STOX2: variants seen among roughly 807,000 people sequenced by gnomAD.
STOX2 encodes storkhead-box protein 2.
Under a neutral mutation model 60.9 loss-of-function variants are expected in STOX2, and 28 were observed. That is an observed-to-expected ratio of 0.46 (90% CI 0.34 to 0.63). STOX2 has a LOEUF of 0.63. Ranked by LOEUF, STOX2 falls within the 30% of genes least tolerant of loss-of-function variation. The pLI is 0.01. For missense variants in STOX2, 1,024 were observed against 1,187.7 expected (o/e 0.86, Z 2.03); for synonymous variants, 472 against 463.9 (o/e 1.02, Z -0.22).
chr4:183,969,332 A>G (rs1560910840), intron 1 of STOX2, among the ~76,000 whole-genome samples: 1 of 152,260 alleles, frequency 6.6e-6, no homozygotes, highest in African/African-American at 2.4e-5. Flanking sequence ...GAGCTTACAG[A>G]CAACTTGTAT....
rs1740240460 is a variant in STOX2 at position 183,854,537 on chromosome 4, G to A, written c.364+56482G>A. Among the ~76,000 whole-genome samples the A allele has an allele frequency of 2.0e-5, 3 of 152,162 alleles. 1 individual carries two copies. The highest frequency in any genetic ancestry group is 1.5e-5 in the Non-Finnish European group (1 of 68,020). On this transcript the variant is annotated intron_variant, in intron 1 of 2. Coordinates refer to the STOX2 transcript ENST00000513034. ...CATGGCAGGGGGCAGGGGGGATGGT[G>A]AGTTTATTATTTTTTATAAAAAGTA... is the stretch of plus-strand genomic sequence containing the variant.
chr4:183,899,162 C>G lies in STOX2; in HGVS notation c.364+101107C>G, dbSNP rs113848061. The stretch of plus-strand genomic sequence containing the variant: ...CCCATATAAGATGGCAAACTTGATC[C>G]GTAAGTGTTGTGTGCGATCTGACTG... On this transcript the variant is annotated intron_variant, in intron 1 of 2. Coordinates refer to the STOX2 transcript ENST00000513034. Among the ~76,000 whole-genome samples, 6 of 152,218 alleles carry G rather than the reference C, an allele frequency of 3.9e-5. No individual in the cohort carries two copies. The South Asian group carries it at 1.2e-3, about 32-fold the overall frequency.
chr4:183,980,150 A>G (rs1335323755), intron 1 of STOX2, among the ~76,000 whole-genome samples: 2 of 152,136 alleles, frequency 1.3e-5, no homozygotes, highest in Non-Finnish European at 2.9e-5. Context: ...TTACATCAGG[A>G]TTTTATGACA....
chr4:183,819,351 C>T (rs908837229), intron 1 of STOX2, among the ~76,000 whole-genome samples: 8 of 151,864 alleles, frequency 5.3e-5, no homozygotes, highest in African/African-American at 1.2e-4. Context: ...GAGACCAGCC[C>T]GGCCAACACA....
intron 1 of STOX2, among the ~76,000 whole-genome samples, chr4:183,982,591 TCA>T (rs1732695256): frequency 6.6e-6 from 1 of 152,228 alleles, no homozygotes; most frequent in Non-Finnish European, 1.5e-5. Flanking sequence ...CCTTTATTTC[TCA>T]GTTTGTGCTA....
chr4:183,801,128 G>GAGAT (rs1738755591), intron 1 of STOX2, among the ~76,000 whole-genome samples: 2 of 152,214 alleles, frequency 1.3e-5, no homozygotes, highest in Non-Finnish European at 2.9e-5. Context: ...GGACAACAAG[G>GAGAT]AGATAATTAC....
intron 1 of STOX2, among the ~76,000 whole-genome samples, chr4:183,946,665 G>A (rs922283583): frequency 2.8e-5 from 4 of 143,916 alleles, no homozygotes; most frequent in South Asian, 2.3e-4. Context: ...TCGCTCTGTC[G>A]CACAGGCTAG....
intron 1 of STOX2, among the ~76,000 whole-genome samples, chr4:183,807,368 A>G (rs1276177622): frequency 2.1e-5 from 2 of 95,870 alleles, no homozygotes; most frequent in Admixed American, 1.4e-4. Context: ...TATTATGGAC[A>G]GCAGTCCCCA....
In STOX2 at chr4:184,017,007, A is replaced by C. The variant is rs1339121888; in HGVS notation, c.2586-82A>C. ...CCAACAGAGGAAATCCATTAACGAC[A>C]TCATTTGCTCTTCCTCTGGGGCTCA... On this transcript the variant is annotated intron_variant, in intron 3 of 3. Transcript: ENST00000308497. 6 of 1,159,192 alleles carry C rather than the reference A, an allele frequency of 5.2e-6. No individual in the cohort carries two copies. In the East Asian group the frequency reaches 1.5e-4, roughly 30 times the overall value. 71.8% of individuals were successfully genotyped at this position (1,159,192 alleles called of 1,614,324 possible).
At chr4:183,933,094 C>T (rs1321362812) in intron 1 of STOX2, among the ~76,000 whole-genome samples, 5 of 152,086 alleles carry the variant, frequency 3.3e-5, no homozygotes, top group Admixed American at 2.6e-4. Context: ...AGTTAATGTT[C>T]GTATTAGCCA....
chr4:183,878,728 T>C (rs558950795), intron 1 of STOX2, among the ~76,000 whole-genome samples: 104 of 152,358 alleles, frequency 6.8e-4, no homozygotes, highest in African/African-American at 2.2e-3. Flanking sequence ...AGATTTTAGC[T>C]ATTGTCATCA....
intron 1 of STOX2, among the ~76,000 whole-genome samples, chr4:183,883,747 C>T (rs886672281): frequency 2.6e-4 from 39 of 152,138 alleles, no homozygotes; most frequent in Non-Finnish European, 4.7e-4. Context: ...AGGTCTTCTT[C>T]AGTATCACTG....
chr4:184,012,272 G>A (rs1032997678), intron 3 of STOX2, among the ~76,000 whole-genome samples: 5 of 152,142 alleles, frequency 3.3e-5, no homozygotes, highest in African/African-American at 4.8e-5. Flanking sequence ...TCCTCAAAGA[G>A]CAACATGGGA....
chr4:183,951,235 A>AG (rs1743080926), intron 1 of STOX2, among the ~76,000 whole-genome samples: 1 of 151,246 alleles, frequency 6.6e-6, no homozygotes, highest in Admixed American at 6.6e-5. Flanking sequence ...AAAAAAAAAA[A>AG]AAAGACAGTA....
intron 1 of STOX2, among the ~76,000 whole-genome samples, chr4:183,955,755 TA>T (rs1251230231): frequency 5.3e-5 from 8 of 150,326 alleles, no homozygotes; most frequent in Admixed American, 5.3e-4. Flanking sequence ...TCCGCTTCTT[TA>T]AAGTTTTTTT....
At chr4:183,873,998 G>A (rs1303478931) in intron 1 of STOX2, among the ~76,000 whole-genome samples, 1 of 152,198 alleles carries the variant, frequency 6.6e-6, no homozygotes, top group African/African-American at 2.4e-5. Context: ...TGTTTCATGA[G>A]ACCTCATCCT....
At chr4:183,884,546 G>T (rs572886670) in intron 1 of STOX2, among the ~76,000 whole-genome samples, 1 of 152,210 alleles carries the variant, frequency 6.6e-6, no homozygotes, top group South Asian at 2.1e-4. Flanking sequence ...TATATTCCAG[G>T]GAAGGATTTT....
Position 184,011,724 on chromosome 4 carries a change from C to A in STOX2, c.2585+301C>A. On this transcript the variant is annotated intron_variant, in intron 3 of 3. Coordinates refer to ENST00000308497, the MANE Select transcript of STOX2 (RefSeq NM_020225.3). This position sits in a 1 kb window ranked among gnomAD's most constrained non-coding sequence, Gnocchi z 4.4. The stretch of plus-strand genomic sequence containing the variant: ...ATTTTTTCTGCTACGTTCATATTGC[C>A]ACCCATGCTAAGAGAAGGATGTTTT... 3 of 971,144 alleles carry A rather than the reference C, an allele frequency of 3.1e-6. No individual in the cohort carries two copies. The highest frequency in any genetic ancestry group is 2.8e-6 in the Non-Finnish European group (2 of 720,144). The allele number at this position is 971,144 out of a possible 1,614,324, so 60.2% of individuals were successfully genotyped here.
In STOX2 at chr4:183,836,427, C is replaced by T. The variant is rs1026887916; in HGVS notation, c.364+38372C>T. Among the ~76,000 whole-genome samples, 6 of 152,176 alleles carry T rather than the reference C, an allele frequency of 3.9e-5. No individual in the cohort carries two copies. The highest frequency in any genetic ancestry group is 8.8e-5 in the Non-Finnish European group (6 of 68,030). On this transcript the variant is annotated intron_variant, in intron 1 of 2. Coordinates refer to the STOX2 transcript ENST00000513034. The surrounding 1 kb of genome is among the most constrained non-coding windows in gnomAD (Gnocchi z 4.1). Reference sequence around the variant, plus strand: ...GCTGTTTTATGCTGAAATAACGTCTCAGTGGCTTAACACATTAAGCCTCAT... The same window carrying T: ...GCTGTTTTATGCTGAAATAACGTCTTAGTGGCTTAACACATTAAGCCTCAT...
Sources: gnomAD v4.1 joint callset for allele counts (sites outside exome capture counted in the v4.1 genomes callset) on GRCh38, gnomAD v4.1.1 for gene constraint, Gnocchi (gnomAD v3.1) non-coding constraint, MANE v1.5 for transcripts, NCBI Gene and HGNC (gene_info 2026-07-23, HGNC 2026-07-21) for gene names.